Variants in AQP7B observed in about 807,000 individuals in gnomAD.
AQP7B encodes putative aquaporin-7B.
chr2:94,603,469 C>T, the AQP7B span: 6 of 1,611,820 alleles, frequency 3.7e-6, no homozygotes, highest in Non-Finnish European at 5.1e-6. Context: ...CCTTCCTGAT[C>T]ACATGACATT....
chr2:94,596,182 C>T, the AQP7B span, among the ~76,000 whole-genome samples: 4 of 152,228 alleles, frequency 2.6e-5, no homozygotes, highest in Non-Finnish European at 4.4e-5. Flanking sequence ...GGTTTGGCAA[C>T]GTGGAGGTTG....
chr2:94,603,564 G>A, the AQP7B span: 1 of 1,513,728 alleles, frequency 6.6e-7, no homozygotes, highest in Non-Finnish European at 9.0e-7. Context: ...GAGCCAGCAG[G>A]GAGTCCCTCC....
the AQP7B span, among the ~76,000 whole-genome samples, chr2:94,596,420 G>T: frequency 2.6e-5 from 4 of 152,352 alleles, no homozygotes; most frequent in African/African-American, 9.6e-5. Context: ...GCAGCCAGGT[G>T]CATGGCTAGA....
the AQP7B span, among the ~76,000 whole-genome samples, chr2:94,595,754 C>A: frequency 4.6e-5 from 7 of 152,076 alleles, no homozygotes; most frequent in African/African-American, 7.2e-5. Flanking sequence ...ACTCTGCCAG[C>A]AGAAGATGTG....
the AQP7B span, among the ~76,000 whole-genome samples, chr2:94,596,281 C>A: frequency 6.6e-6 from 1 of 152,220 alleles, no homozygotes; most frequent in Non-Finnish European, 1.5e-5. Context: ...CCCTCTCCAC[C>A]TGCTTCAGCC....
chr2:94,596,445 C>G, the AQP7B span, among the ~76,000 whole-genome samples: 3 of 152,172 alleles, frequency 2.0e-5, no homozygotes, highest in African/African-American at 7.2e-5. Context: ...GGTGGGGTGA[C>G]AGAGGCTGTT....
chr2:94,587,775 G>A, the AQP7B span, among the ~76,000 whole-genome samples: 1 of 152,120 alleles, frequency 6.6e-6, no homozygotes, highest in Non-Finnish European at 1.5e-5. Flanking sequence ...AGGCGTGCAG[G>A]CAGGAGACGG....
chr2:94,590,485 G>A, the AQP7B span, among the ~76,000 whole-genome samples: 1 of 152,132 alleles, frequency 6.6e-6, no homozygotes, highest in Non-Finnish European at 1.5e-5. Flanking sequence ...ACCATGCCTG[G>A]CCAACAAATG....
the AQP7B span, chr2:94,602,762 G>GC: frequency 4.0e-5 from 36 of 908,392 alleles, no homozygotes; most frequent in South Asian, 5.5e-4. Flanking sequence ...TGAACCCCGT[G>GC]CCTATGACTT....
the AQP7B span, among the ~76,000 whole-genome samples, chr2:94,597,069 G>A: frequency 3.5e-4 from 54 of 152,274 alleles, no homozygotes; most frequent in African/African-American, 1.3e-3. Context: ...AGCACCCAGT[G>A]TGGTACCCAT....
chr2:94,594,630 G>T, the AQP7B span: 3 of 687,940 alleles, frequency 4.4e-6, no homozygotes, highest in African/African-American at 3.6e-5. Context: ...AAGAGGAGGC[G>T]TGTGTGGCGA....
At chr2:94,602,808 A>G in the AQP7B span, among the ~76,000 whole-genome samples, 2 of 151,974 alleles carry the variant, frequency 1.3e-5, no homozygotes, top group African/African-American at 4.8e-5. Flanking sequence ...CCCCTGACCT[A>G]CCATTTTCAC....
At chr2:94,600,068 G>T in the AQP7B span, among the ~76,000 whole-genome samples, 1 of 151,580 alleles carries the variant, frequency 6.6e-6, no homozygotes, top group Non-Finnish European at 1.5e-5. Flanking sequence ...TAGTAGAGAC[G>T]GGGTTTTGTC....
the AQP7B span, among the ~76,000 whole-genome samples, chr2:94,593,218 G>A: frequency 1.3e-5 from 2 of 151,968 alleles, no homozygotes; most frequent in Non-Finnish European, 2.9e-5. Context: ...CTAGAGGAGA[G>A]GGTAGGAGGC....
chr2:94,597,418 C>T, the AQP7B span, among the ~76,000 whole-genome samples: 2 of 152,108 alleles, frequency 1.3e-5, no homozygotes, highest in African/African-American at 4.8e-5. Context: ...TAATGCATCC[C>T]GGGCTCTGTG....
At chr2:94,595,009 T>G in the AQP7B span, 2 of 557,826 alleles carry the variant, frequency 3.6e-6, no homozygotes, top group Non-Finnish European at 6.4e-6. Flanking sequence ...GTGAGGAAAG[T>G]AAGGAGTGGG....
the AQP7B span, chr2:94,603,199 C>A: frequency 2.3e-5 from 33 of 1,464,754 alleles, no homozygotes; most frequent in Non-Finnish European, 2.9e-5. Flanking sequence ...TGGGTGTCCA[C>A]CTCTGGCCTC....
At chr2:94,595,192 T>G in the AQP7B span, among the ~76,000 whole-genome samples, 1 of 152,108 alleles carries the variant, frequency 6.6e-6, no homozygotes, top group Non-Finnish European at 1.5e-5. Context: ...TCCAGCACTT[T>G]GGGAGGCTTA....
the AQP7B span, chr2:94,604,411 C>T: frequency 6.2e-7 from 1 of 1,611,448 alleles, no homozygotes; most frequent in African/African-American, 1.3e-5. Context: ...AATTGGAGGA[C>T]TCTGTGGCGT....
Sources: gnomAD v4.1 joint callset for allele counts (sites outside exome capture counted in the v4.1 genomes callset) on GRCh38, gnomAD v4.1.1 for gene constraint, MANE v1.5 for transcripts, NCBI Gene and HGNC (gene_info 2026-07-23, HGNC 2026-07-21) for gene names.